The following QTMAN variants were observed in gnomAD, a reference collection of about 807,000 sequenced individuals.
QTMAN encodes the protein tRNA-queuosine alpha-mannosyltransferase.
the QTMAN span, among the ~76,000 whole-genome samples, chr2:144,282,558 A>G: frequency 1.3e-5 from 2 of 152,252 alleles, no homozygotes; most frequent in African/African-American, 4.8e-5. Flanking sequence ...GGAATTAGGC[A>G]TCAGCATCAC....
chr2:144,231,672 A>G, the QTMAN span, among the ~76,000 whole-genome samples: 1 of 152,152 alleles, frequency 6.6e-6, no homozygotes, highest in Non-Finnish European at 1.5e-5. Flanking sequence ...TAGAATAAAT[A>G]AATAGGACAA....
At chr2:143,965,048 T>TTTG in the QTMAN span, among the ~76,000 whole-genome samples, 1 of 151,502 alleles carries the variant, frequency 6.6e-6, no homozygotes, top group African/African-American at 2.4e-5. Flanking sequence ...TCTTAAGCAT[T>TTTG]TTGTTCTTCT....
the QTMAN span, chr2:143,943,483 T>C: frequency 6.6e-6 from 1 of 152,256 alleles, no homozygotes; most frequent in Non-Finnish European, 1.5e-5. Context: ...ATTTGAAAAC[T>C]GATTCTATCA....
the QTMAN span, among the ~76,000 whole-genome samples, chr2:144,142,708 T>C: frequency 5.3e-5 from 8 of 151,850 alleles, no homozygotes; most frequent in Non-Finnish European, 1.2e-4. Flanking sequence ...GCCAGAGAAA[T>C]AGAAGAAACT....
chr2:144,214,217 T>C, the QTMAN span, among the ~76,000 whole-genome samples: 1 of 152,084 alleles, frequency 6.6e-6, no homozygotes, highest in Admixed American at 6.6e-5. Flanking sequence ...AATTATCATA[T>C]GGGAAAAAAG....
chr2:143,995,828 T>G, the QTMAN span, among the ~76,000 whole-genome samples: 1 of 152,180 alleles, frequency 6.6e-6, no homozygotes, highest in African/African-American at 2.4e-5. Context: ...ATAACAGACT[T>G]GAATATCAGC....
chr2:144,145,968 G>A, the QTMAN span: 1 of 95,952 alleles, frequency 1.0e-5, no homozygotes, highest in Non-Finnish European at 1.9e-5. Flanking sequence ...TCTCAGTGCA[G>A]TTACTGAGAA....
the QTMAN span, among the ~76,000 whole-genome samples, chr2:144,135,912 A>G: frequency 6.6e-6 from 1 of 152,188 alleles, no homozygotes; most frequent in African/African-American, 2.4e-5. Context: ...AGTTGTAAAG[A>G]TATTAAATGA....
chr2:144,046,039 C>T, the QTMAN span, among the ~76,000 whole-genome samples: 1 of 152,166 alleles, frequency 6.6e-6, no homozygotes, highest in African/African-American at 2.4e-5. Context: ...GAGACTATCT[C>T]CCAAACACAG....
chr2:144,014,782 T>C, the QTMAN span, among the ~76,000 whole-genome samples: 1 of 152,214 alleles, frequency 6.6e-6, no homozygotes, highest in South Asian at 2.1e-4. Flanking sequence ...TGGGCTGTTA[T>C]AAGGAAAAGA....
chr2:144,121,237 TG>T, the QTMAN span, among the ~76,000 whole-genome samples: 1 of 152,142 alleles, frequency 6.6e-6, no homozygotes, highest in South Asian at 2.1e-4. Flanking sequence ...GGCGGCACAC[TG>T]GTCAGGAGAA....
chr2:144,025,818 C>T, the QTMAN span, among the ~76,000 whole-genome samples: 5 of 152,208 alleles, frequency 3.3e-5, no homozygotes, highest in Non-Finnish European at 5.9e-5. Flanking sequence ...CTCATCCCTC[C>T]TCCCAGTCCA....
At chr2:144,081,740 T>A in the QTMAN span, among the ~76,000 whole-genome samples, 18 of 152,078 alleles carry the variant, frequency 1.2e-4, no homozygotes, top group Admixed American at 5.9e-4. Context: ...TTGTCACACA[T>A]CTCCATACCT....
the QTMAN span, among the ~76,000 whole-genome samples, chr2:144,302,997 G>A: frequency 5.3e-5 from 8 of 152,330 alleles, no homozygotes; most frequent in East Asian, 1.3e-3. Flanking sequence ...AGCTACTCAG[G>A]AGGCTGAGGA....
the QTMAN span, among the ~76,000 whole-genome samples, chr2:144,079,142 A>G: frequency 2.0e-5 from 3 of 152,152 alleles, no homozygotes; most frequent in African/African-American, 7.2e-5. Context: ...TTTATTGTGC[A>G]TTTGCAGACT....
chr2:144,136,851 A>G, the QTMAN span, among the ~76,000 whole-genome samples: 2 of 152,144 alleles, frequency 1.3e-5, no homozygotes, highest in Non-Finnish European at 2.9e-5. Context: ...CATCTCACCA[A>G]GTCTCAGGAT....
chr2:144,292,306 A>G, the QTMAN span, among the ~76,000 whole-genome samples: 1 of 152,140 alleles, frequency 6.6e-6, no homozygotes, highest in East Asian at 1.9e-4. Context: ...CAAGGCATTT[A>G]AGACTCTCTT....
At chr2:144,044,234 C>T in the QTMAN span, among the ~76,000 whole-genome samples, 1 of 151,786 alleles carries the variant, frequency 6.6e-6, no homozygotes, top group Non-Finnish European at 1.5e-5. Context: ...TTTTACCATG[C>T]TTAAAAAAAA....
the QTMAN span, among the ~76,000 whole-genome samples, chr2:144,262,613 G>A: frequency 2.7e-4 from 28 of 105,084 alleles, no homozygotes; most frequent in African/African-American, 9.5e-4. Context: ...GGGGAGGGGA[G>A]ATAGGAGAGG....
Sources: allele counts gnomAD v4.1 joint callset (sites outside exome capture counted in the v4.1 genomes callset), GRCh38; gene constraint gnomAD v4.1.1; transcripts MANE v1.5; gene names NCBI Gene and HGNC (gene_info 2026-07-23, HGNC 2026-07-21).